The following CPNE2 variants were observed in gnomAD, a reference collection of about 807,000 sequenced individuals.
CPNE2 encodes copine-2.
In CPNE2, 42 loss-of-function variants were observed where a neutral mutation model predicts 69.7. The ratio of observed to expected loss-of-function variants is 0.60; its 90% confidence interval spans 0.47 to 0.78. CPNE2 has a LOEUF of 0.78. Among genes scored for constraint, CPNE2 ranks in the 30% least tolerant of loss-of-function variants. CPNE2 has a pLI of 0.00. For synonymous variants in CPNE2, 294 were observed against 289.8 expected, an observed-to-expected ratio of 1.01 and a Z score of -0.15; for missense variants, 587 against 732.0, an observed-to-expected ratio of 0.80 and a Z score of 2.29.
At chr16:57,112,743 A>G (rs1350327985) in intron 2 of CPNE2, 1 of 152,476 alleles carries the variant, frequency 6.6e-6, no homozygotes, top group Non-Finnish European at 1.5e-5. Context: ...CAAGATACAA[A>G]TATCTCCCCG....
intron 8 of CPNE2, 62 bp downstream of exon 8, chr16:57,121,253 G>A (rs2069760043): frequency 6.8e-7 from 1 of 1,464,500 alleles, no homozygotes. Context: ...AGGGGCACCG[G>A]GTCTTGGGTC....
chr16:57,107,341 G>A (rs72777107), intron 1 of CPNE2, among the ~76,000 whole-genome samples: 14,114 of 152,248 alleles, frequency 0.093, 702 homozygotes, highest in Non-Finnish European at 0.11. Flanking sequence ...GGAGGGAGGG[G>A]GCTGAGGACC....
At chr16:57,099,867 C>A (rs184181096) in intron 1 of CPNE2, among the ~76,000 whole-genome samples, 2 of 151,354 alleles carry the variant, frequency 1.3e-5, no homozygotes, top group African/African-American at 2.4e-5. Context: ...CCTCTGCCTC[C>A]TGGATTCAAG....
At chr16:57,119,520 G>A (rs1346489454) in intron 6 of CPNE2, 41 bp from the exon 7 acceptor site, 1 of 1,554,780 alleles carries the variant, frequency 6.4e-7, no homozygotes, top group Admixed American at 1.8e-5. Context: ...GAGCACTGCT[G>A]CCCAGGGCCT....
intron 11 of CPNE2, 44 bp from the exon 12 acceptor site, chr16:57,127,805 T>C (rs766560915): frequency 6.2e-7 from 1 of 1,601,504 alleles, no homozygotes; most frequent in South Asian, 1.1e-5. Flanking sequence ...TCGGGTGGTG[T>C]CCTCAGGTGT....
chr16:57,118,322 C>T (rs147301840), intron 5 of CPNE2, among the ~76,000 whole-genome samples: 2,949 of 134,898 alleles, frequency 0.022, 86 homozygotes, highest in African/African-American at 0.074. Flanking sequence ...CCTGCCACCA[C>T]GCCCAGCTAA....
chr16:57,135,891 AG>A (rs1388648796), intron 13 of CPNE2, among the ~76,000 whole-genome samples: 6 of 121,922 alleles, frequency 4.9e-5, no homozygotes, highest in Admixed American at 8.3e-5. Context: ...AAAAAAAAAA[AG>A]GAAGGAGAAA....
At chr16:57,127,689 G>A (rs2069810213) in intron 11 of CPNE2, among the ~76,000 whole-genome samples, 160 bp from the exon 12 acceptor site, 1 of 151,786 alleles carries the variant, frequency 6.6e-6, no homozygotes, top group Non-Finnish European at 1.5e-5. Context: ...GGTGGGTTGG[G>A]CTCATTAGGT....
chr16:57,145,455 C>T (rs1597509276), intron 14 of CPNE2, among the ~76,000 whole-genome samples: 1 of 152,224 alleles, frequency 6.6e-6, no homozygotes, highest in Non-Finnish European at 1.5e-5. Flanking sequence ...TATTTGTCAG[C>T]AGAGTCCCAC....
At chr16:57,094,671 G>A (rs545093892) in intron 1 of CPNE2, among the ~76,000 whole-genome samples, 18 of 152,288 alleles carry the variant, frequency 1.2e-4, no homozygotes, top group African/African-American at 3.8e-4. Flanking sequence ...AACTGTCATT[G>A]TCATTATCCA....
chr16:57,128,052 C>T, intron 12 of CPNE2, 149 bp downstream of exon 12: 1 of 781,544 alleles, frequency 1.3e-6, no homozygotes, highest in South Asian at 1.6e-5. Flanking sequence ...TTTCTCAAGC[C>T]TGATCCTTGG....
chr16:57,116,224 C>G lies in CPNE2; in HGVS notation c.435+674C>G, dbSNP rs543626063. Among the ~76,000 whole-genome samples the G allele has an allele frequency of 5.9e-5, 9 of 152,294 alleles. No individual in the cohort carries two copies. In the South Asian group the frequency reaches 1.9e-3, roughly 32 times the overall value. On this transcript the variant is annotated intron_variant, in intron 4 of 15. Transcript: ENST00000290776. Reference sequence around the variant, plus strand: ...ACCCCTCAGACCCTGCCTGGCTCTCCTGCCTTGGTGTTTTTTTAATCTCCT... The same window carrying G: ...ACCCCTCAGACCCTGCCTGGCTCTCGTGCCTTGGTGTTTTTTTAATCTCCT...
chr16:57,131,166 T>G (rs1476684160), intron 12 of CPNE2, among the ~76,000 whole-genome samples: 1 of 152,224 alleles, frequency 6.6e-6, no homozygotes, highest in Non-Finnish European at 1.5e-5. Context: ...TAAAGTTTCT[T>G]CTCAGACACT....
intron 1 of CPNE2, among the ~76,000 whole-genome samples, chr16:57,102,000 G>A (rs2069617297): frequency 6.6e-6 from 1 of 150,862 alleles, no homozygotes; most frequent in Admixed American, 6.6e-5. Context: ...AGCCTGGAGT[G>A]CAGTGGCATG....
intron 13 of CPNE2, 139 bp from the exon 14 acceptor site, chr16:57,137,010 A>C: frequency 1.6e-6 from 2 of 1,257,288 alleles, no homozygotes; most frequent in Non-Finnish European, 2.2e-6. Flanking sequence ...GGCAGCTTCC[A>C]GTCTGTCTCA....
intron 1 of CPNE2, among the ~76,000 whole-genome samples, chr16:57,096,885 T>C (rs1381745052): frequency 6.6e-6 from 1 of 151,882 alleles, no homozygotes; most frequent in African/African-American, 2.4e-5. Flanking sequence ...AGTAGAGTTG[T>C]AGGGAGAATG....
intron 4 of CPNE2, among the ~76,000 whole-genome samples, chr16:57,116,538 T>A (rs145130878): frequency 6.6e-6 from 1 of 151,480 alleles, no homozygotes; most frequent in East Asian, 2.0e-4. Flanking sequence ...GGCAAGAGAG[T>A]GAAACCCCAT....
intron 1 of CPNE2, among the ~76,000 whole-genome samples, chr16:57,093,296 G>A (rs2069556611): frequency 6.6e-6 from 1 of 152,112 alleles, no homozygotes; most frequent in Admixed American, 6.5e-5. Context: ...AGCGCAGAGG[G>A]GGAGTGGAGC....
chr16:57,146,213 C>T lies in CPNE2; in HGVS notation c.1431C>T (p.Phe477=), dbSNP rs548137799. The change falls in exon 15 of 16, where the codon TTC becomes TTT. Residue 477 remains phenylalanine (F), a synonymous_variant. Coordinates refer to ENST00000290776, the MANE Select transcript of CPNE2 (RefSeq NM_152727.6). This position sits in a 1 kb window ranked among gnomAD's most constrained non-coding sequence, Gnocchi z 4.4. ...TCGTGGGCGTGGGCAATGCGGACTT[C>T]GCTGCCATGGAGTTCCTGGATGGGG... ...IIIVGVGNAD[F]AAMEFLDGDS... The T allele has an allele frequency of 1.7e-5, 26 of 1,567,578 alleles. No individual in the cohort carries two copies. Among genetic ancestry groups the T allele is most frequent in the African/African-American group, 1.4e-4 (10 of 73,994 alleles).
Sources: allele counts gnomAD v4.1 joint callset (sites outside exome capture counted in the v4.1 genomes callset), GRCh38; gene constraint gnomAD v4.1.1; non-coding constraint Gnocchi (gnomAD v3.1); transcripts MANE v1.5; gene names NCBI Gene and HGNC (gene_info 2026-07-23, HGNC 2026-07-21).